The following MYO5A variants were observed in gnomAD, a reference collection of about 807,000 sequenced individuals.
The protein encoded by MYO5A is unconventional myosin-Va.
In MYO5A, 98 loss-of-function variants were observed where a neutral mutation model predicts 249.7. The observed-to-expected ratio is 0.39, with a 90% CI of 0.33 to 0.46. The LOEUF is 0.46. Among genes scored for constraint, MYO5A ranks in the 20% least tolerant of loss-of-function variants. The probability of loss-of-function intolerance (pLI) is 0.98; values close to 1 mark genes in which losing one functional copy is unlikely to be tolerated. For missense variants in MYO5A, 1,696 were observed against 2,308.8 expected (o/e 0.73, Z 5.44); for synonymous variants, 778 against 810.6 (o/e 0.96, Z 0.68).
At chr15:52,498,426 C>T (rs963214468) in intron 1 of MYO5A, among the ~76,000 whole-genome samples, 15 of 152,162 alleles carry the variant, frequency 9.9e-5, no homozygotes, top group Middle Eastern at 3.4e-3. Context: ...AAAGACTGAA[C>T]GAATTTTACT....
intron 28 of MYO5A, 114 bp downstream of exon 28, chr15:52,351,140 A>C: frequency 1.2e-6 from 1 of 831,048 alleles, no homozygotes; most frequent in Non-Finnish European, 2.0e-6. Flanking sequence ...ATGAATCCTC[A>C]ATTAGATTAA....
At chr15:52,489,806 C>A (rs2141532106) in intron 1 of MYO5A, among the ~76,000 whole-genome samples, 1 of 152,268 alleles carries the variant, frequency 6.6e-6, no homozygotes, top group East Asian at 1.9e-4. Context: ...GCCTAGGCAA[C>A]ATAGTGAGAC....
At chr15:52,477,244 A>G (rs1050930297) in intron 1 of MYO5A, among the ~76,000 whole-genome samples, 1 of 152,176 alleles carries the variant, frequency 6.6e-6, no homozygotes, top group Admixed American at 6.5e-5. Context: ...CAGCTCCATC[A>G]GGTAATTTAA....
At chr15:52,408,723 A>AT (rs1466059200) in intron 6 of MYO5A, among the ~76,000 whole-genome samples, 8 of 152,236 alleles carry the variant, frequency 5.3e-5, no homozygotes, top group Non-Finnish European at 8.8e-5. Flanking sequence ...TTCCACACAT[A>AT]TATCTAAAAA....
chr15:52,382,022 C>G lies in MYO5A; in HGVS notation c.2012+1069G>C, dbSNP rs1309153253. On this transcript the variant is annotated intron_variant, in intron 16 of 41. Transcript: ENST00000399233. ...GGTTCAAGTGATTCTCCTGCCTCAGCCTCCCGAGTAGCTGGGATTACAGGC... is the reference window on the plus strand; with the variant it reads ...GGTTCAAGTGATTCTCCTGCCTCAGGCTCCCGAGTAGCTGGGATTACAGGC... Among the ~76,000 whole-genome samples, 3 of 152,194 alleles carry G rather than the reference C, an allele frequency of 2.0e-5. No homozygotes were observed. In the East Asian group the frequency reaches 5.8e-4, roughly 30 times the overall value.
intron 1 of MYO5A, among the ~76,000 whole-genome samples, chr15:52,510,114 CAGA>C (rs10543734): frequency 0.78 from 118,761 of 151,770 alleles, 46,974 homozygotes; most frequent in South Asian, 0.84. Context: ...AAACCATTCA[CAGA>C]AGCAGTTCCA....
At chr15:52,437,149 T>C (rs2075681796) in intron 1 of MYO5A, among the ~76,000 whole-genome samples, 1 of 152,202 alleles carries the variant, frequency 6.6e-6, no homozygotes, top group African/African-American at 2.4e-5. Context: ...AACTGAGTAA[T>C]ATCTGTACAT....
At chr15:52,466,522 T>C (rs924944380) in intron 1 of MYO5A, among the ~76,000 whole-genome samples, 2 of 152,158 alleles carry the variant, frequency 1.3e-5, no homozygotes, top group African/African-American at 4.8e-5. Context: ...GATGGGGGCA[T>C]GAACCTTGCC....
At chr15:52,470,733 G>A (rs1036069959) in intron 1 of MYO5A, among the ~76,000 whole-genome samples, 1 of 151,266 alleles carries the variant, frequency 6.6e-6, no homozygotes, top group Admixed American at 6.6e-5. Context: ...TTCAGAAAAA[G>A]GGTTCTTGGC....
At position 52,332,189 on chromosome 15, in the gene MYO5A, A is replaced by G. The variant is rs528755308; in HGVS notation, c.4409-1690T>C. Among the ~76,000 whole-genome samples, 8 of 152,352 alleles carry G rather than the reference A, an allele frequency of 5.3e-5. No homozygotes were observed. In the South Asian group the frequency reaches 1.4e-3, roughly 28 times the overall value. On this transcript the variant is annotated intron_variant, in intron 34 of 41. Transcript: ENST00000399233. The stretch of plus-strand genomic sequence containing the variant: ...GAAACTGGGAGAAAACAAGTTCAAC[A>G]TACTAGGTTTATCAATAAATGCACA...
intron 5 of MYO5A, among the ~76,000 whole-genome samples, chr15:52,411,620 T>A (rs1417032436): frequency 1.3e-5 from 2 of 151,702 alleles, no homozygotes; most frequent in Non-Finnish European, 2.9e-5. Context: ...TTCAAAAAAA[T>A]TAATATCTTT....
intron 34 of MYO5A, chr15:52,331,831 T>C: frequency 1.0e-6 from 1 of 985,386 alleles, no homozygotes; most frequent in Non-Finnish European, 1.2e-6. Flanking sequence ...AGCAACACTA[T>C]GATATCTAAA....
chr15:52,490,473 T>C (rs1374535908), intron 1 of MYO5A, among the ~76,000 whole-genome samples: 2 of 152,244 alleles, frequency 1.3e-5, no homozygotes, highest in East Asian at 3.9e-4. Flanking sequence ...CTGAAAGATG[T>C]CACGACATGG....
intron 1 of MYO5A, among the ~76,000 whole-genome samples, chr15:52,502,990 C>T (rs749124450): frequency 6.6e-6 from 1 of 152,044 alleles, no homozygotes; most frequent in Non-Finnish European, 1.5e-5. Context: ...CTCATGAAGA[C>T]AAGAGAGTAG....
chr15:52,379,694 T>C lies in MYO5A; in HGVS notation c.2139A>G (p.Leu713=). Residue 713 remains leucine (L), a synonymous_variant, in exon 18 of 42, where the codon CTA becomes CTG. Transcript: ENST00000399233. ...YQEFFSRYRV[L]MKQKDVLSDR... ...CACTCAGCACATCTTTCTGCTTCAT[T>C]AGGACACGGTAGCGGCTGAAAAATT... 1 of 1,614,194 alleles carries C rather than the reference T, an allele frequency of 6.2e-7. No homozygotes were observed. Among genetic ancestry groups the C allele is most frequent in the East Asian group, 2.2e-5 (1 of 44,894 alleles).
chr15:52,527,836 A>T (rs184680561), intron 1 of MYO5A, among the ~76,000 whole-genome samples: 30 of 152,334 alleles, frequency 2.0e-4, no homozygotes, highest in Non-Finnish European at 3.2e-4. Flanking sequence ...TCTGTTGCAA[A>T]AGCTAATGTG....
chr15:52,484,936 G>A (rs1339019176), intron 1 of MYO5A, among the ~76,000 whole-genome samples: 1 of 152,108 alleles, frequency 6.6e-6, no homozygotes, highest in Non-Finnish European at 1.5e-5. Context: ...TGGCCAGGCT[G>A]GTCTTGAACT....
chr15:52,405,176 T>C (rs1156861249), intron 9 of MYO5A, 111 bp downstream of exon 9: 7 of 809,358 alleles, frequency 8.6e-6, no homozygotes, highest in Non-Finnish European at 2.1e-6. Context: ...TTGATAATTA[T>C]GTTTCTGATA....
Position 52,392,010 on chromosome 15 carries a change from CT to C in MYO5A, c.1461del (p.Ile487MetfsTer13). On this transcript the variant is annotated frameshift_variant, in exon 12 of 42. Coordinates refer to ENST00000399233, the MANE Select transcript of MYO5A (RefSeq NM_001382347.1). LOFTEE classifies it high-confidence loss of function. Reference sequence around the variant, plus strand: ...ATACAAGGCTGATTATCATAAAAATCTATGAGTGTCCATGGAATTTGTTCCT... The same window carrying C: ...ATACAAGGCTGATTATCATAAAAATCATGAGTGTCCATGGAATTTGTTCCT... ...YMKEQIPWTLIDFYDNQPCIN... is the reference protein window; with the variant it reads ...YMKEQIPWTLXDFYDNQPCIN... 1.2e-6 allele frequency: 2 copies of C among 1,611,300 alleles called. No individual in the cohort carries two copies. Among genetic ancestry groups the C allele is most frequent in the Non-Finnish European group, 1.7e-6 (2 of 1,177,958 alleles).
Sources: allele counts gnomAD v4.1 joint callset (sites outside exome capture counted in the v4.1 genomes callset), GRCh38; gene constraint gnomAD v4.1.1; transcripts MANE v1.5; gene names NCBI Gene and HGNC (gene_info 2026-07-23, HGNC 2026-07-21).